Variants in KRT33B observed in about 807,000 individuals in gnomAD.
KRT33B encodes keratin 33B.
Under a neutral mutation model 42.7 loss-of-function variants are expected in KRT33B, and 37 were observed. The observed-to-expected ratio is 0.87, with a 90% CI of 0.67 to 1.14. The LOEUF is 1.14. Among genes scored for constraint, KRT33B ranks in the 50% most tolerant of loss-of-function variants. KRT33B has a pLI of 0.00. For missense variants in KRT33B, 523 were observed against 515.1 expected, an observed-to-expected ratio of 1.02 and a Z score of -0.15; for synonymous variants, 237 against 221.2, an observed-to-expected ratio of 1.07 and a Z score of -0.63.
At chr17:41,365,672 C>A (rs1026801148) in intron 3 of KRT33B, 119 bp from the exon 4 acceptor site, 8 of 1,310,716 alleles carry the variant, frequency 6.1e-6, no homozygotes, top group Non-Finnish European at 8.3e-6. Context: ...TGAGTTGAAG[C>A]CCAGCTGTCA....
rs143055266 is a variant in KRT33B at position 41,366,636 on chromosome 17, C to G, written c.432-10G>C. 4 of 1,588,628 alleles carry G rather than the reference C, an allele frequency of 2.5e-6. No individual in the cohort carries two copies. Among genetic ancestry groups the G allele is most frequent in the Non-Finnish European group, 3.4e-6 (4 of 1,170,692 alleles). On this transcript the variant is annotated splice_polypyrimidine_tract_variant and intron_variant, in intron 2 of 6. Coordinates refer to ENST00000251646, the MANE Select transcript of KRT33B (RefSeq NM_002279.5). ...CTGCTCCGTCTGGTACCTGCACACACAGCCAGAGGTCAAAAGAGGTCCAAA... is the reference window on the plus strand; with the variant it reads ...CTGCTCCGTCTGGTACCTGCACACAGAGCCAGAGGTCAAAAGAGGTCCAAA...
Position 41,365,398 on chromosome 17 carries a change from G to A in KRT33B, c.744C>T (p.Ala248=), listed in dbSNP as rs1227187356. Residue 248 remains alanine (A), a synonymous_variant, in exon 4 of 7, where the codon GCC becomes GCT. Coordinates refer to ENST00000251646, the MANE Select transcript of KRT33B (RefSeq NM_002279.5). ...CACGTGCTTAGATGCCCACCTGCGTGGCGAACCATTGCTCCACTTCCCTGC... is the reference window on the plus strand; with the variant it reads ...CACGTGCTTAGATGCCCACCTGCGTAGCGAACCATTGCTCCACTTCCCTGC... ...TNRREVEQWF[A]TQTEELNKQV... The A allele has an allele frequency of 1.2e-6, 2 of 1,611,154 alleles. No homozygotes were observed. Among genetic ancestry groups the A allele is most frequent in the Admixed American group, 3.3e-5 (2 of 59,778 alleles).
At chr17:41,363,978 T>G (rs1415951563) in intron 6 of KRT33B, 25 bp from the exon 7 acceptor site, 7 of 1,499,754 alleles carry the variant, frequency 4.7e-6, no homozygotes, top group Non-Finnish European at 6.5e-6. Flanking sequence ...CATTAGACTG[T>G]CAGCATGAGA....
chr17:41,369,793 CT>C lies in KRT33B; in HGVS notation c.-44del. On this transcript the variant is annotated 5_prime_UTR_variant, in exon 1 of 7. Coordinates refer to ENST00000251646, the MANE Select transcript of KRT33B (RefSeq NM_002279.5). ...GAGCTCTGGAAGTCAGTTTCAAAACCTGATTCCTTTTCCCTGGGATAAGCCT... is the reference window on the plus strand; with the variant it reads ...GAGCTCTGGAAGTCAGTTTCAAAACCGATTCCTTTTCCCTGGGATAAGCCT... 1 of 1,578,130 alleles carries C rather than the reference CT, an allele frequency of 6.3e-7. No homozygotes were observed. Among genetic ancestry groups the C allele is most frequent in the South Asian group, 1.1e-5 (1 of 87,322 alleles).
intron 1 of KRT33B, 48 bp from the exon 2 acceptor site, chr17:41,368,038 G>C: frequency 6.4e-7 from 1 of 1,550,554 alleles, no homozygotes; most frequent in South Asian, 1.1e-5. Context: ...GAAATGCCTT[G>C]TGCCTTAAAG....
chr17:41,368,018 GT>G (rs754403530), intron 1 of KRT33B, 28 bp from the exon 2 acceptor site: 1 of 1,600,672 alleles, frequency 6.2e-7, no homozygotes, highest in East Asian at 2.2e-5. Context: ...CATGAAATGG[GT>G]TATACTAAGA....
chr17:41,368,014 A>G (rs1188573344), intron 1 of KRT33B, 24 bp from the exon 2 acceptor site: 1 of 1,607,566 alleles, frequency 6.2e-7, no homozygotes, highest in African/African-American at 1.4e-5. Context: ...TAATCATGAA[A>G]TGGGTTATAC....
rs770474244 is a variant in KRT33B, at chr17:41,365,319, G to A, written c.751-19C>T. The stretch of plus-strand genomic sequence containing the variant: ...CCTCGGTCTGAAACACCCAAGGGGA[G>A]AAAGGATCAGACCCTGCCTCCGGGG... On this transcript the variant is annotated intron_variant, in intron 4 of 6. Transcript: ENST00000251646. 3 of 1,612,654 alleles carry A rather than the reference G, an allele frequency of 1.9e-6. No homozygotes were observed. The highest frequency in any genetic ancestry group is 1.7e-6 in the Non-Finnish European group (2 of 1,179,808).
rs1208888837 is a variant in KRT33B, at chr17:41,363,797, T to C, written c.*39A>G. On this transcript the variant is annotated 3_prime_UTR_variant, in exon 7 of 7. Transcript: ENST00000251646. ...GGCAGAACTGGCCCACCGATGGTAG[T>C]TCTGTCTTCATGCTATACTTCTGCT... is the stretch of plus-strand genomic sequence containing the variant. 2.9e-6 allele frequency: 4 copies of C among 1,397,680 alleles called. No individual in the cohort carries two copies. The highest frequency in any genetic ancestry group is 1.7e-5 in the Admixed American group (1 of 57,492). 86.6% of individuals were successfully genotyped at this position (1,397,680 alleles called of 1,614,324 possible). A position where few individuals can be genotyped will look rare whatever the true frequency, so the allele number is the denominator to read the frequency against.
Position 41,363,700 on chromosome 17 carries a change from T to C in KRT33B, c.*136A>G, listed in dbSNP as rs766277824. 4 of 625,482 alleles carry C rather than the reference T, an allele frequency of 6.4e-6. No individual in the cohort carries two copies. The highest frequency in any genetic ancestry group is 1.1e-5 in the Non-Finnish European group (4 of 349,718). 38.7% of individuals were successfully genotyped at this position (625,482 alleles called of 1,614,324 possible). A position where few individuals can be genotyped will look rare whatever the true frequency, so the allele number is the denominator to read the frequency against. On this transcript the variant is annotated 3_prime_UTR_variant, in exon 7 of 7. Coordinates refer to ENST00000251646, the MANE Select transcript of KRT33B (RefSeq NM_002279.5). ...AGAGTCAGACCCAAACGCTGGGCATTTGTTCTCCTTCCAGACCATGATTTG... is the reference window on the plus strand; with the variant it reads ...AGAGTCAGACCCAAACGCTGGGCATCTGTTCTCCTTCCAGACCATGATTTG...
intron 3 of KRT33B, among the ~76,000 whole-genome samples, chr17:41,366,149 C>T (rs1312207097): frequency 6.6e-6 from 1 of 151,174 alleles, no homozygotes; most frequent in Non-Finnish European, 1.5e-5. Context: ...CTATCTCCTT[C>T]CAGTCTTGGT....
intron 5 of KRT33B, 64 bp downstream of exon 5, chr17:41,365,111 G>A (rs1215855005): frequency 1.9e-6 from 3 of 1,609,106 alleles, no homozygotes; most frequent in Admixed American, 3.3e-5. Flanking sequence ...TGGCCCCAAG[G>A]GCATCCCCAA....
chr17:41,366,946 G>C (rs1455405329), intron 2 of KRT33B, among the ~76,000 whole-genome samples: 20 of 151,278 alleles, frequency 1.3e-4, no homozygotes, highest in Non-Finnish European at 4.4e-5. Context: ...TCATAAGCCT[G>C]CTCCAGGTTG....
Position 41,363,807 on chromosome 17 carries a change from A to C in KRT33B, c.*29T>G. On this transcript the variant is annotated 3_prime_UTR_variant, in exon 7 of 7. Transcript: ENST00000251646. ...GCCCACCGATGGTAGTTCTGTCTTC[A>C]TGCTATACTTCTGCTGGCCCCAGGG... The C allele has an allele frequency of 6.8e-7, 1 of 1,475,142 alleles. No homozygotes were observed. Among genetic ancestry groups the C allele is most frequent in the Non-Finnish European group, 9.4e-7 (1 of 1,062,894 alleles). The allele number at this position is 1,475,142 out of a possible 1,614,324, so 91.4% of individuals were successfully genotyped here. A position where few individuals can be genotyped will look rare whatever the true frequency, so the allele number is the denominator to read the frequency against.
Position 41,365,289 on chromosome 17 carries a change from C to A in KRT33B, c.762G>T (p.Leu254=). 1 of 1,612,674 alleles carries A rather than the reference C, an allele frequency of 6.2e-7. No individual in the cohort carries two copies. The highest frequency in any genetic ancestry group is 2.2e-5 in the East Asian group (1 of 44,876). The change falls in exon 5 of 7, where the codon CTG becomes CTT. Residue 254 remains leucine, a synonymous_variant. Coordinates refer to ENST00000251646, the MANE Select transcript of KRT33B (RefSeq NM_002279.5). ...CCGAGCTGGATACCACCTGCTTGTT[C>A]AGCTCCTCGGTCTGAAACACCCAAG... ...EQWFATQTEE[L]NKQVVSSSEQ...
Position 41,365,271 on chromosome 17 carries a change from G to T in KRT33B, c.780C>A (p.Ser260=), listed in dbSNP as rs1293192673. The change falls in exon 5 of 7, where the codon TCC becomes TCA. Residue 260 remains serine (S), a synonymous_variant. Coordinates refer to ENST00000251646, the MANE Select transcript of KRT33B (RefSeq NM_002279.5). Reference sequence around the variant, plus strand: ...GGTAGGACTGCAGCTGCTCCGAGCTGGATACCACCTGCTTGTTCAGCTCCT... The same window carrying T: ...GGTAGGACTGCAGCTGCTCCGAGCTTGATACCACCTGCTTGTTCAGCTCCT... The part of the protein sequence containing the change: ...QTEELNKQVV[S]SSEQLQSYQA... 2.5e-6 allele frequency: 4 copies of T among 1,612,306 alleles called. No homozygotes were observed. The highest frequency in any genetic ancestry group is 2.5e-6 in the Non-Finnish European group (3 of 1,180,038).
At position 41,369,386 on chromosome 17, in the gene KRT33B, G is replaced by A; in HGVS notation, c.348+17C>T. Reference sequence around the variant, plus strand: ...AAGTAGTTCATTAAGCTGGCAGTGTGGTGCCCACCTCCTCACCTTCTGCTG... The same window carrying A: ...AAGTAGTTCATTAAGCTGGCAGTGTAGTGCCCACCTCCTCACCTTCTGCTG... On this transcript the variant is annotated intron_variant, in intron 1 of 6. Coordinates refer to ENST00000251646, the MANE Select transcript of KRT33B (RefSeq NM_002279.5). 3 of 1,611,816 alleles carry A rather than the reference G, an allele frequency of 1.9e-6. No individual in the cohort carries two copies. Among genetic ancestry groups the A allele is most frequent in the Non-Finnish European group, 2.5e-6 (3 of 1,178,952 alleles).
In KRT33B at chr17:41,369,427, C is replaced by A. The variant is rs1423256223; in HGVS notation, c.324G>T (p.Lys108Asn). Residue 108 changes from lysine to asparagine, a missense_variant, in exon 1 of 7, where the codon AAG (lysine) becomes AAT (asparagine). Lys to Asn is a moderately conservative substitution (Grantham distance 94, BLOSUM62 0). Coordinates refer to ENST00000251646, the MANE Select transcript of KRT33B (RefSeq NM_002279.5). ...CCTTCTGCTGGAGCTCCTCAATGGT[C>A]TTGAAGTAGGACTGGTAGCTGGGGC... ...LLCPSYQSYF[K>N]TIEELQQKIL... 1.2e-6 allele frequency: 2 copies of A among 1,613,260 alleles called. No homozygotes were observed. Among genetic ancestry groups the A allele is most frequent in the Non-Finnish European group, 1.7e-6 (2 of 1,180,054 alleles).
At chr17:41,367,490 G>A (rs1406279173) in intron 2 of KRT33B, among the ~76,000 whole-genome samples, 1 of 151,252 alleles carries the variant, frequency 6.6e-6, no homozygotes, top group East Asian at 1.9e-4. Flanking sequence ...GATCACTTGA[G>A]GTCAGGAGTT....
Sources: gnomAD v4.1 joint callset for allele counts (sites outside exome capture counted in the v4.1 genomes callset) on GRCh38, gnomAD v4.1.1 for gene constraint, MANE v1.5 for transcripts, NCBI Gene and HGNC (gene_info 2026-07-23, HGNC 2026-07-21) for gene names.